The following FBXL7 variants were observed in gnomAD, a reference collection of about 807,000 sequenced individuals.
The protein encoded by FBXL7 is F-box/LRR-repeat protein 7.
FBXL7 carries 12 observed loss-of-function variants against 38.3 expected under a neutral mutation model. The ratio of observed to expected loss-of-function variants is 0.31; its 90% CI spans 0.20 to 0.51. The LOEUF (loss-of-function observed/expected upper bound fraction) is 0.51, where lower values mean the gene tolerates loss of function less well. Ranked by LOEUF, FBXL7 falls within the 20% of genes least tolerant of loss-of-function variation. FBXL7 has a pLI of 0.98. For missense variants in FBXL7, 567 were observed against 676.4 expected (o/e 0.84, Z 1.79); for synonymous variants, 297 against 300.9 (o/e 0.99, Z 0.13).
intron 2 of FBXL7, among the ~76,000 whole-genome samples, chr5:15,903,341 T>A (rs769738978): frequency 3.9e-5 from 6 of 152,324 alleles, no homozygotes; most frequent in Middle Eastern, 6.8e-3. Flanking sequence ...TCTCCACATC[T>A]TTCCAAATTC....
chr5:15,562,519 T>C (rs1386496636), intron 1 of FBXL7, among the ~76,000 whole-genome samples: 1 of 152,178 alleles, frequency 6.6e-6, no homozygotes, highest in Non-Finnish European at 1.5e-5. Flanking sequence ...CTCAATATCA[T>C]GATGTATTAT....
In FBXL7 at chr5:15,571,908, G is replaced by T. The variant is rs140480033; in HGVS notation, c.38-44075G>T. On this transcript the variant is annotated intron_variant, in intron 1 of 3. Coordinates refer to ENST00000504595, the MANE Select transcript of FBXL7 (RefSeq NM_012304.5). ...GGGTGGTTCAGACTGTGGCAAACTA[G>T]CCCACACATGCCCCATCTCTTACCC... 2.7e-3 allele frequency among the ~76,000 whole-genome samples: 410 copies of T among 152,162 alleles called. 4 individuals are homozygous for T. Among genetic ancestry groups the T allele is most frequent in the African/African-American group, 9.2e-3 (384 of 41,530 alleles).
At chr5:15,805,872 A>G (rs1737698237) in intron 2 of FBXL7, among the ~76,000 whole-genome samples, 1 of 152,234 alleles carries the variant, frequency 6.6e-6, no homozygotes, top group Non-Finnish European at 1.5e-5. Flanking sequence ...TTTAACTTGC[A>G]GAATTCTTTG....
intron 1 of FBXL7, among the ~76,000 whole-genome samples, chr5:15,598,281 C>T (rs1739684775): frequency 6.6e-6 from 1 of 152,078 alleles, no homozygotes; most frequent in South Asian, 2.1e-4. Flanking sequence ...CTTGGTTGTG[C>T]TTATTTAAAA....
intron 1 of FBXL7, among the ~76,000 whole-genome samples, chr5:15,517,578 C>T (rs189590770): frequency 6.6e-6 from 1 of 152,254 alleles, no homozygotes; most frequent in East Asian, 1.9e-4. Flanking sequence ...CTGAGCGTCA[C>T]ACCTGGAGAG....
At chr5:15,925,383 G>C (rs1390233117) in intron 2 of FBXL7, among the ~76,000 whole-genome samples, 1 of 152,200 alleles carries the variant, frequency 6.6e-6, no homozygotes, top group East Asian at 1.9e-4. Context: ...GGTTGGGGCA[G>C]CACATAATTC....
chr5:15,823,176 A>C (rs1220502315), intron 2 of FBXL7, among the ~76,000 whole-genome samples: 1 of 152,176 alleles, frequency 6.6e-6, no homozygotes, highest in Non-Finnish European at 1.5e-5. Flanking sequence ...TATAAATGTG[A>C]GTGTCTTTGT....
At chr5:15,914,351 A>T (rs1201386784) in intron 2 of FBXL7, among the ~76,000 whole-genome samples, 3 of 144,576 alleles carry the variant, frequency 2.1e-5, no homozygotes, top group Non-Finnish European at 3.0e-5. Context: ...GCGCCACTGC[A>T]CTCCAGCCTG....
At chr5:15,551,412 T>C (rs1400754229) in intron 1 of FBXL7, among the ~76,000 whole-genome samples, 1 of 152,230 alleles carries the variant, frequency 6.6e-6, no homozygotes, top group African/African-American at 2.4e-5. Flanking sequence ...TGCATAATTA[T>C]CCAACTGGTA....
At chr5:15,595,980 G>A (rs1324641924) in intron 1 of FBXL7, among the ~76,000 whole-genome samples, 3 of 152,284 alleles carry the variant, frequency 2.0e-5, no homozygotes, top group South Asian at 2.1e-4. Flanking sequence ...TAACAAGATC[G>A]CAGAACACAC....
chr5:15,680,741 A>G (rs1308620111), intron 2 of FBXL7, among the ~76,000 whole-genome samples: 1 of 152,204 alleles, frequency 6.6e-6, no homozygotes, highest in African/African-American at 2.4e-5. Flanking sequence ...AAAAAGTTTT[A>G]GGATGCCAAT....
intron 2 of FBXL7, among the ~76,000 whole-genome samples, chr5:15,669,804 C>G (rs1384168236): frequency 2.0e-5 from 3 of 152,190 alleles, no homozygotes; most frequent in African/African-American, 7.2e-5. Flanking sequence ...TTTACAGGAA[C>G]TTGAATGTTG....
At chr5:15,616,273 C>T (rs538922773) in intron 2 of FBXL7, among the ~76,000 whole-genome samples, 5 of 152,016 alleles carry the variant, frequency 3.3e-5, no homozygotes, top group East Asian at 1.9e-4. Flanking sequence ...ATTGATTTGA[C>T]GGGATTCAGG....
chr5:15,769,328 T>G (rs550745194), intron 2 of FBXL7, among the ~76,000 whole-genome samples: 70 of 152,210 alleles, frequency 4.6e-4, no homozygotes, highest in Non-Finnish European at 1.6e-4. Context: ...AAATTGACCC[T>G]CTATGGTATG....
intron 2 of FBXL7, among the ~76,000 whole-genome samples, chr5:15,797,554 C>T (rs1433273402): frequency 1.3e-5 from 2 of 152,194 alleles, no homozygotes; most frequent in Non-Finnish European, 2.9e-5. Flanking sequence ...TCTCAATTCC[C>T]CAATTGGGCC....
intron 1 of FBXL7, among the ~76,000 whole-genome samples, chr5:15,560,482 C>G (rs1444345641): frequency 1.3e-5 from 2 of 152,182 alleles, no homozygotes; most frequent in Non-Finnish European, 2.9e-5. Context: ...GGGCTCCCAA[C>G]AGCTCATGCA....
At chr5:15,596,300 A>G (rs966880881) in intron 1 of FBXL7, among the ~76,000 whole-genome samples, 2 of 152,224 alleles carry the variant, frequency 1.3e-5, no homozygotes, top group Non-Finnish European at 2.9e-5. Flanking sequence ...TTTGTGTGGT[A>G]TGTATAGAGT....
chr5:15,591,297 C>T (rs1019771873), intron 1 of FBXL7, among the ~76,000 whole-genome samples: 5 of 151,716 alleles, frequency 3.3e-5, no homozygotes, highest in East Asian at 1.9e-4. Flanking sequence ...GGCATGGTGG[C>T]GGGCGCCTGT....
intron 2 of FBXL7, among the ~76,000 whole-genome samples, chr5:15,835,591 A>G (rs1738573369): frequency 6.6e-6 from 1 of 152,090 alleles, no homozygotes; most frequent in Admixed American, 6.5e-5. Flanking sequence ...ATATTACTTT[A>G]AAATATGAGA....
Sources: gnomAD v4.1 joint callset for allele counts (sites outside exome capture counted in the v4.1 genomes callset) on GRCh38, gnomAD v4.1.1 for gene constraint, MANE v1.5 for transcripts, NCBI Gene and HGNC (gene_info 2026-07-23, HGNC 2026-07-21) for gene names.